Variants in TTLL11 observed in about 807,000 individuals in gnomAD.
TTLL11 encodes tubulin tyrosine ligase like 11.
Under a neutral mutation model 51.7 loss-of-function variants are expected in TTLL11, and 42 were observed. The ratio of observed to expected loss-of-function variants is 0.81; its 90% confidence interval spans 0.64 to 1.05. The LOEUF is 1.05. Among genes scored for constraint, TTLL11 ranks in the 50% least tolerant of loss-of-function variants. The pLI is 0.00. For missense variants in TTLL11, 799 were observed against 940.4 expected (o/e 0.85, Z 1.97); for synonymous variants, 381 against 383.5 (o/e 0.99, Z 0.08).
At chr9:121,940,174 T>C (rs1422757078) in intron 6 of TTLL11, among the ~76,000 whole-genome samples, 1 of 152,192 alleles carries the variant, frequency 6.6e-6, no homozygotes, top group Non-Finnish European at 1.5e-5. Context: ...GGGCTTGTAA[T>C]AGCTGTGTTA....
intron 8 of TTLL11, among the ~76,000 whole-genome samples, chr9:121,840,772 C>G (rs1344980773): frequency 6.6e-6 from 1 of 152,166 alleles, no homozygotes; most frequent in Non-Finnish European, 1.5e-5. Context: ...CAATAGGGAA[C>G]CATGAGGTCC....
chr9:121,946,955 C>T (rs1165515762), intron 6 of TTLL11, among the ~76,000 whole-genome samples: 2 of 152,172 alleles, frequency 1.3e-5, no homozygotes, highest in Middle Eastern at 3.2e-3. Context: ...CCCCTGACCT[C>T]TGCCGCCTTC....
chr9:122,071,453 C>T (rs922510465), intron 1 of TTLL11, among the ~76,000 whole-genome samples: 14 of 152,304 alleles, frequency 9.2e-5, no homozygotes, highest in East Asian at 1.9e-4. Flanking sequence ...GGGGGCACCA[C>T]TGCCTAGAGG....
intron 8 of TTLL11, among the ~76,000 whole-genome samples, chr9:121,826,553 G>GTGTATATATATATA (rs1554756738): frequency 2.2e-5 from 1 of 45,224 alleles, no homozygotes; most frequent in Non-Finnish European, 3.7e-5. Flanking sequence ...ATATATATGT[G>GTGTATATATATATA]TGTGTATATA....
At chr9:121,923,751 C>T (rs949299441) in intron 6 of TTLL11, among the ~76,000 whole-genome samples, 1 of 152,240 alleles carries the variant, frequency 6.6e-6, no homozygotes, top group African/African-American at 2.4e-5. Context: ...CAACATCACA[C>T]TGACTCTCTT....
intron 1 of TTLL11, 58 bp from the exon 2 acceptor site, chr9:122,039,426 GTATCCAT>G: frequency 7.3e-7 from 1 of 1,367,666 alleles, no homozygotes; most frequent in Non-Finnish European, 1.0e-6. Context: ...ACCACACTGA[GTATCCAT>G]TATGTACAAA....
chr9:121,830,713 C>T (rs1180017390), intron 8 of TTLL11, among the ~76,000 whole-genome samples: 4 of 152,186 alleles, frequency 2.6e-5, no homozygotes, highest in Non-Finnish European at 5.9e-5. Context: ...TAGGAGAGAA[C>T]ATTCTCCATG....
chr9:122,073,185 G>A (rs113000129), intron 1 of TTLL11, among the ~76,000 whole-genome samples: 2 of 152,102 alleles, frequency 1.3e-5, no homozygotes, highest in East Asian at 1.9e-4. Flanking sequence ...TGAGATAGGC[G>A]GATCACTTGA....
At chr9:122,090,759 C>A (rs193140368) in intron 1 of TTLL11, among the ~76,000 whole-genome samples, 1 of 151,932 alleles carries the variant, frequency 6.6e-6, no homozygotes, top group Non-Finnish European at 1.5e-5. Flanking sequence ...GTGAGGGAAA[C>A]GACAATAAAC....
chr9:121,852,288 C>T (rs2131370019), intron 8 of TTLL11, among the ~76,000 whole-genome samples: 1 of 152,292 alleles, frequency 6.6e-6, no homozygotes, highest in Admixed American at 6.5e-5. Context: ...ATCACTAAAT[C>T]CTGACAGTGC....
intron 2 of TTLL11, 79 bp downstream of exon 2, chr9:122,039,193 C>T: frequency 8.4e-7 from 1 of 1,187,238 alleles, no homozygotes; most frequent in South Asian, 1.3e-5. Context: ...TCAAAAATAA[C>T]TGTCATGTTT....
chr9:122,083,798 A>T (rs962190884), intron 1 of TTLL11, among the ~76,000 whole-genome samples: 1 of 152,186 alleles, frequency 6.6e-6, no homozygotes, highest in African/African-American at 2.4e-5. Context: ...TGACAGAGCA[A>T]GACTCTATCT....
chr9:122,032,539 T>A (rs114410442), intron 2 of TTLL11, among the ~76,000 whole-genome samples: 1 of 151,370 alleles, frequency 6.6e-6, no homozygotes, highest in East Asian at 2.0e-4. Flanking sequence ...CTCACTGTTA[T>A]AAAACATTAA....
chr9:122,007,527 C>T (rs1843691812), intron 3 of TTLL11, among the ~76,000 whole-genome samples: 1 of 149,696 alleles, frequency 6.7e-6, no homozygotes, highest in Non-Finnish European at 1.5e-5. Context: ...TTCAGGCCCC[C>T]ATGGCCAAAT....
chr9:121,854,177 T>C (rs955159649), intron 8 of TTLL11, among the ~76,000 whole-genome samples: 1 of 152,182 alleles, frequency 6.6e-6, no homozygotes. Flanking sequence ...TGTCTGATTC[T>C]GGAGACTGTG....
At chr9:122,058,852 G>A (rs968805378) in intron 1 of TTLL11, among the ~76,000 whole-genome samples, 2 of 152,178 alleles carry the variant, frequency 1.3e-5, no homozygotes, top group African/African-American at 4.8e-5. Flanking sequence ...ACTGATTGAT[G>A]GCCCAGCTCA....
At chr9:121,973,747 A>G (rs1451396655) in intron 6 of TTLL11, among the ~76,000 whole-genome samples, 1 of 152,192 alleles carries the variant, frequency 6.6e-6, no homozygotes, top group African/African-American at 2.4e-5. Context: ...GTATAATAAT[A>G]ATAAAAAAAA....
At chr9:122,012,207 T>C (rs1331740250) in intron 3 of TTLL11, among the ~76,000 whole-genome samples, 1 of 152,222 alleles carries the variant, frequency 6.6e-6, no homozygotes, top group African/African-American at 2.4e-5. Flanking sequence ...GAAGTCAAGA[T>C]TGGCTCTGCT....
At chr9:121,950,855 C>G (rs1203504699) in intron 6 of TTLL11, among the ~76,000 whole-genome samples, 1 of 152,156 alleles carries the variant, frequency 6.6e-6, no homozygotes, top group Non-Finnish European at 1.5e-5. Context: ...TGTCCATGAC[C>G]TGGAGTAAAA....
Sources: gnomAD v4.1 joint callset for allele counts (sites outside exome capture counted in the v4.1 genomes callset) on GRCh38, gnomAD v4.1.1 for gene constraint, MANE v1.5 for transcripts, NCBI Gene and HGNC (gene_info 2026-07-23, HGNC 2026-07-21) for gene names.